MAP4K5: variants seen among roughly 807,000 people sequenced by gnomAD.
MAP4K5 encodes the protein mitogen-activated protein kinase kinase kinase kinase 5, also known as MAPK/ERK kinase kinase kinase 5.
A neutral mutation model predicts 135.6 loss-of-function variants in MAP4K5; 82 were observed. The observed-to-expected ratio is 0.60, with a 90% CI of 0.51 to 0.73. The LOEUF is 0.73. MAP4K5 is among the 30% of genes least tolerant of loss of function. The pLI is 0.00. For missense variants in MAP4K5, 907 were observed against 1,010.9 expected, an observed-to-expected ratio of 0.90 and a Z score of 1.39; for synonymous variants, 347 against 335.0, an observed-to-expected ratio of 1.04 and a Z score of -0.39.
At chr14:50,508,373 A>C (rs942867853) in intron 2 of MAP4K5, among the ~76,000 whole-genome samples, 1 of 152,186 alleles carries the variant, frequency 6.6e-6, no homozygotes, top group Non-Finnish European at 1.5e-5. Flanking sequence ...CACACAATGG[A>C]ATACCATGCA....
intron 9 of MAP4K5, among the ~76,000 whole-genome samples, chr14:50,471,583 T>C (rs527568659): frequency 6.6e-6 from 1 of 152,182 alleles, no homozygotes; most frequent in South Asian, 2.1e-4. Flanking sequence ...ACCTCATAAA[T>C]GTAAGAAATG....
At chr14:50,524,910 A>T (rs879834774) in intron 2 of MAP4K5, among the ~76,000 whole-genome samples, 2 of 152,220 alleles carry the variant, frequency 1.3e-5, no homozygotes, top group Non-Finnish European at 2.9e-5. Context: ...GCAAACAGGA[A>T]CAAGAATGGA....
At chr14:50,490,832 C>G (rs2037468000) in intron 3 of MAP4K5, among the ~76,000 whole-genome samples, 1 of 152,120 alleles carries the variant, frequency 6.6e-6, no homozygotes, top group Non-Finnish European at 1.5e-5. Flanking sequence ...AAAATAGGAT[C>G]AAGTTAGACA....
chr14:50,445,132 T>C lies in MAP4K5; in HGVS notation c.1248A>G (p.Lys416=). 6.2e-7 allele frequency: 1 copy of C among 1,613,612 alleles called. No homozygotes were observed. Among genetic ancestry groups the C allele is most frequent in the Middle Eastern group, 1.7e-4 (1 of 6,060 alleles). ...CTCTGCTTTCTGAATCAGGACAATG[T>C]TTTATGGTTGATGCTTTTTCTTCAT... ...FPDEEKASTI[K]HCPDSESRAP... The change falls in exon 18 of 33, where the codon AAA becomes AAG. Residue 416 remains lysine, a synonymous_variant. Coordinates refer to ENST00000682126, the MANE Select transcript of MAP4K5 (RefSeq NM_006575.6).
At chr14:50,500,026 C>T (rs1331193032) in intron 3 of MAP4K5, among the ~76,000 whole-genome samples, 2 of 152,046 alleles carry the variant, frequency 1.3e-5, no homozygotes, top group East Asian at 1.9e-4. Context: ...GGGAGAAGAA[C>T]GTGTGATGCA....
At chr14:50,531,625 G>A (rs531734847) in intron 2 of MAP4K5, among the ~76,000 whole-genome samples, 2 of 152,224 alleles carry the variant, frequency 1.3e-5, no homozygotes, top group East Asian at 3.9e-4. Context: ...TAACACTAGA[G>A]CATCCTTCGG....
In MAP4K5 at chr14:50,475,159, A is replaced by G; in HGVS notation, c.470-10T>C. The G allele has an allele frequency of 6.2e-7, 1 of 1,611,366 alleles. No individual in the cohort carries two copies. Among genetic ancestry groups the G allele is most frequent in the South Asian group, 1.1e-5 (1 of 90,972 alleles). On this transcript the variant is annotated splice_polypyrimidine_tract_variant and intron_variant, in intron 8 of 32. Coordinates refer to ENST00000682126, the MANE Select transcript of MAP4K5 (RefSeq NM_006575.6). ...GCCACACCAAAGTCAGCTAGTGAGG[A>G]AAAAAACAGAAAATTTTAGTTCTTT...
chr14:50,481,806 C>T (rs2037249389), intron 6 of MAP4K5, among the ~76,000 whole-genome samples: 2 of 152,080 alleles, frequency 1.3e-5, no homozygotes, highest in Non-Finnish European at 2.9e-5. Context: ...CAATGTTAAC[C>T]AAACTTACAA....
Position 50,438,077 on chromosome 14 carries a change from A to G in MAP4K5, c.1708+15T>C, listed in dbSNP as rs765328026. 2.2e-6 allele frequency: 2 copies of G among 918,140 alleles called. No individual in the cohort carries two copies. Among genetic ancestry groups the G allele is most frequent in the Admixed American group, 1.7e-5 (1 of 58,452 alleles). 56.9% of individuals were successfully genotyped at this position (918,140 alleles called of 1,614,324 possible). On this transcript the variant is annotated intron_variant, in intron 24 of 32. Coordinates refer to ENST00000682126, the MANE Select transcript of MAP4K5 (RefSeq NM_006575.6). Reference sequence around the variant, plus strand: ...CAGAGAAATACAATTTTCGAGAAAAAGAAAACGTAATTACCTTCTAAAACG... The same window carrying G: ...CAGAGAAATACAATTTTCGAGAAAAGGAAAACGTAATTACCTTCTAAAACG...
chr14:50,426,596 T>C (rs2144971), intron 30 of MAP4K5, among the ~76,000 whole-genome samples: 147,531 of 152,270 alleles, frequency 0.97, 71,628 homozygotes, highest in East Asian at 1. Context: ...TGGTGGCCTG[T>C]GCCTGTAGCC....
At chr14:50,461,776 G>A (rs180693779) in intron 13 of MAP4K5, among the ~76,000 whole-genome samples, 2 of 152,034 alleles carry the variant, frequency 1.3e-5, no homozygotes, top group African/African-American at 2.4e-5. Flanking sequence ...AAAATTAGCC[G>A]AGCGTGGTAG....
chr14:50,546,135 GA>G (rs139159455), intron 1 of MAP4K5, among the ~76,000 whole-genome samples: 1 of 151,446 alleles, frequency 6.6e-6, no homozygotes, highest in South Asian at 2.1e-4. Flanking sequence ...TGAAACTGAA[GA>G]AAAAAAAGAG....
intron 12 of MAP4K5, 125 bp from the exon 13 acceptor site, chr14:50,462,906 A>T: frequency 1.7e-6 from 1 of 585,090 alleles, no homozygotes; most frequent in Non-Finnish European, 3.0e-6. Flanking sequence ...ACTAACACAA[A>T]TAAACTGTGT....
chr14:50,422,377 T>C (rs1002140726), intron 32 of MAP4K5, among the ~76,000 whole-genome samples: 9 of 152,254 alleles, frequency 5.9e-5, no homozygotes, highest in Middle Eastern at 3.4e-3. Flanking sequence ...TAACTCCATT[T>C]CCCCCTCCTT....
chr14:50,514,678 T>A (rs1046074806), intron 2 of MAP4K5, among the ~76,000 whole-genome samples: 23 of 152,104 alleles, frequency 1.5e-4, no homozygotes, highest in African/African-American at 5.6e-4. Flanking sequence ...AAGACTTTCC[T>A]GGGAGGAGTG....
At chr14:50,557,797 G>A (rs931331096) in intron 1 of MAP4K5, among the ~76,000 whole-genome samples, 5 of 152,194 alleles carry the variant, frequency 3.3e-5, no homozygotes, top group African/African-American at 1.2e-4. Context: ...TAGCACCCAC[G>A]TCTTGGTTTC....
chr14:50,530,033 C>G (rs1269102037), intron 2 of MAP4K5, among the ~76,000 whole-genome samples: 1 of 152,142 alleles, frequency 6.6e-6, no homozygotes, highest in Non-Finnish European at 1.5e-5. Context: ...AAACAAAAGA[C>G]AAGGAGCTAA....
At chr14:50,507,869 T>C (rs1215169272) in intron 2 of MAP4K5, among the ~76,000 whole-genome samples, 1 of 152,140 alleles carries the variant, frequency 6.6e-6, no homozygotes, top group Non-Finnish European at 1.5e-5. Flanking sequence ...TGGGTCTGCT[T>C]GGTGCAGAGC....
intron 2 of MAP4K5, among the ~76,000 whole-genome samples, chr14:50,527,831 T>C (rs1376682493): frequency 1.9e-5 from 1 of 53,128 alleles, no homozygotes. Context: ...ATAATAATAA[T>C]AATAATAAAT....
Sources: allele counts gnomAD v4.1 joint callset (sites outside exome capture counted in the v4.1 genomes callset), GRCh38; gene constraint gnomAD v4.1.1; transcripts MANE v1.5; gene names NCBI Gene and HGNC (gene_info 2026-07-23, HGNC 2026-07-21).